MACROD2: variants seen among roughly 807,000 people sequenced by gnomAD.
MACROD2 encodes the protein mono-ADP ribosylhydrolase 2, also known as ADP-ribose glycohydrolase MACROD2.
A neutral mutation model predicts 70.4 loss-of-function variants in MACROD2; 36 were observed. The observed-to-expected ratio is 0.51, with a 90% CI of 0.39 to 0.68. The LOEUF is 0.68. Ranked by LOEUF, MACROD2 falls within the 30% of genes least tolerant of loss-of-function variation. MACROD2 has a pLI of 0.00. For missense variants in MACROD2, 496 were observed against 538.4 expected (o/e 0.92, Z 0.78); for synonymous variants, 172 against 178.8 (o/e 0.96, Z 0.30).
intron 5 of MACROD2, among the ~76,000 whole-genome samples, chr20:15,116,644 C>A (rs974316618): frequency 4.6e-5 from 7 of 152,148 alleles, no homozygotes; most frequent in African/African-American, 1.7e-4. Flanking sequence ...GAAATTCTGT[C>A]TCAAAAAGGT....
chr20:14,077,894 C>CTTTTTTTTTTTTTTTTTTTTT (rs58677755), intron 2 of MACROD2, among the ~76,000 whole-genome samples: 3 of 120,502 alleles, frequency 2.5e-5, no homozygotes, highest in Non-Finnish European at 5.3e-5. Context: ...AAAGGTTTTT[C>CTTTTTTTTTTTTTTTTTTTTT]TTTTTTTTTT....
chr20:15,679,968 G>A (rs967963198), intron 8 of MACROD2, among the ~76,000 whole-genome samples: 1 of 152,166 alleles, frequency 6.6e-6, no homozygotes, highest in African/African-American at 2.4e-5. Context: ...TTTAACCAAT[G>A]CAGGAATCTT....
chr20:14,259,961 C>T (rs2082088926), intron 3 of MACROD2, among the ~76,000 whole-genome samples: 1 of 152,176 alleles, frequency 6.6e-6, no homozygotes, highest in Non-Finnish European at 1.5e-5. Context: ...ATTCATGAAT[C>T]TCTAAAAGTG....
chr20:14,881,213 A>G (rs2073607445), intron 5 of MACROD2, among the ~76,000 whole-genome samples: 1 of 151,374 alleles, frequency 6.6e-6, no homozygotes, highest in African/African-American at 2.4e-5. Context: ...CTGGAATTAC[A>G]GATCCATAGG....
rs150766967 is a variant in MACROD2 at position 15,707,564 on chromosome 20, A to G, written c.646-155181A>G. 1.2e-3 allele frequency among the ~76,000 whole-genome samples: 187 copies of G among 152,270 alleles called. 2 individuals are homozygous for G. In the East Asian group the frequency reaches 0.02, roughly 16 times the overall value. On this transcript the variant is annotated intron_variant, in intron 8 of 17. Transcript: ENST00000684519. ...TTTGGGAGGCCAAGTCGGGCGGATTACTTGAGTTCAGGAATTTGAGACCAG... is the reference window on the plus strand; with the variant it reads ...TTTGGGAGGCCAAGTCGGGCGGATTGCTTGAGTTCAGGAATTTGAGACCAG...
chr20:14,904,724 C>A (rs949676786), intron 5 of MACROD2, among the ~76,000 whole-genome samples: 1 of 152,094 alleles, frequency 6.6e-6, no homozygotes, highest in African/African-American at 2.4e-5. Context: ...ATATGAATAA[C>A]AATAGCTGTT....
chr20:14,766,209 G>C lies in MACROD2; in HGVS notation c.418+81250G>C, dbSNP rs1475671663. On this transcript the variant is annotated intron_variant, in intron 5 of 17. Transcript: ENST00000684519. ...ACGGGTAGTCGGCCAATTCTGGACA[G>C]GGAGTGCTGGCTTACACTGTTAGCC... Among the ~76,000 whole-genome samples the C allele has an allele frequency of 2.6e-5, 4 of 152,062 alleles. No individual in the cohort carries two copies. In the South Asian group the frequency reaches 8.3e-4, roughly 31 times the overall value.
intron 5 of MACROD2, among the ~76,000 whole-genome samples, chr20:14,719,053 G>A (rs2071431551): frequency 6.6e-6 from 1 of 152,024 alleles, no homozygotes; most frequent in African/African-American, 2.4e-5. Flanking sequence ...CCAACATGGT[G>A]AAACCCCATC....
chr20:15,235,336 G>A (rs1354462117), intron 6 of MACROD2, among the ~76,000 whole-genome samples: 1 of 152,168 alleles, frequency 6.6e-6, no homozygotes, highest in Non-Finnish European at 1.5e-5. Context: ...TGCTACCTGT[G>A]ATTTCCACAA....
intron 2 of MACROD2, among the ~76,000 whole-genome samples, chr20:14,026,606 T>G (rs4334554): frequency 0.57 from 86,348 of 152,012 alleles, 25,209 homozygotes; most frequent in Non-Finnish European, 0.63. Flanking sequence ...CTTATGAAGC[T>G]TAGTTTGGCT....
At chr20:14,101,364 T>C (rs2148678926) in intron 3 of MACROD2, among the ~76,000 whole-genome samples, 1 of 152,234 alleles carries the variant, frequency 6.6e-6, no homozygotes, top group East Asian at 1.9e-4. Flanking sequence ...AAAACAGTTA[T>C]AATCTAAGCC....
intron 8 of MACROD2, among the ~76,000 whole-genome samples, chr20:15,590,334 G>T (rs2048660528): frequency 6.6e-6 from 1 of 152,132 alleles, no homozygotes; most frequent in Non-Finnish European, 1.5e-5. Flanking sequence ...AGAAACAAAG[G>T]CCCAGAGGGA....
intron 8 of MACROD2, among the ~76,000 whole-genome samples, chr20:15,844,686 A>T (rs1305597755): frequency 3.3e-5 from 5 of 152,122 alleles, no homozygotes; most frequent in African/African-American, 9.7e-5. Context: ...TCTGTCGTAC[A>T]CATCCTGTGT....
In MACROD2 at chr20:14,448,029, TGAGA is replaced by T. The variant is rs150231125; in HGVS notation, c.272-45439_272-45436del. ...GTGTCTGTGTCTGCATGTGTGTATCTGAGAGAGAGAGAGATGTAAACATCTGCGA... is the reference window on the plus strand; with the variant it reads ...GTGTCTGTGTCTGCATGTGTGTATCTGAGAGAGAGATGTAAACATCTGCGA... On this transcript the variant is annotated intron_variant, in intron 3 of 17. Transcript: ENST00000684519. Among the ~76,000 whole-genome samples, 974 of 149,600 alleles carry T rather than the reference TGAGA, an allele frequency of 6.5e-3. 15 individuals are homozygous for T. Among genetic ancestry groups the T allele is most frequent in the African/African-American group, 0.022 (901 of 40,816 alleles).
At chr20:15,622,199 C>T (rs1434611628) in intron 8 of MACROD2, among the ~76,000 whole-genome samples, 1 of 152,168 alleles carries the variant, frequency 6.6e-6, no homozygotes, top group African/African-American at 2.4e-5. Context: ...TCTCATTGTT[C>T]TGATGAAATG....
At chr20:14,262,461 A>G (rs527370379) in intron 3 of MACROD2, among the ~76,000 whole-genome samples, 1 of 152,232 alleles carries the variant, frequency 6.6e-6, no homozygotes, top group Non-Finnish European at 1.5e-5. Flanking sequence ...TTTGAAGTTC[A>G]TTTGGAAGAT....
chr20:14,479,828 G>A (rs2084642074), intron 3 of MACROD2, among the ~76,000 whole-genome samples: 1 of 151,866 alleles, frequency 6.6e-6, no homozygotes, highest in Non-Finnish European at 1.5e-5. Flanking sequence ...TAAATATTAT[G>A]TATTATAAAA....
intron 5 of MACROD2, among the ~76,000 whole-genome samples, chr20:14,720,569 T>TTTTGTGTG (rs531072431): frequency 1.2e-5 from 1 of 84,094 alleles, no homozygotes; most frequent in African/African-American, 4.7e-5. Flanking sequence ...TTTTTTTTTT[T>TTTTGTGTG]TGTGAGGCAG....
intron 5 of MACROD2, among the ~76,000 whole-genome samples, chr20:14,762,310 G>C (rs866095919): frequency 3.3e-5 from 5 of 152,198 alleles, no homozygotes; most frequent in South Asian, 2.1e-4. Flanking sequence ...AAGCTAAGAA[G>C]ACTTACTCAG....
Sources: gnomAD v4.1 joint callset for allele counts (sites outside exome capture counted in the v4.1 genomes callset) on GRCh38, gnomAD v4.1.1 for gene constraint, MANE v1.5 for transcripts, NCBI Gene and HGNC (gene_info 2026-07-23, HGNC 2026-07-21) for gene names.